RBM23: variants seen among roughly 807,000 people sequenced by gnomAD.
RBM23 encodes the protein RNA binding motif protein 23.
In RBM23, 53 loss-of-function variants were observed where a neutral mutation model predicts 56.2. The ratio of observed to expected loss-of-function variants is 0.94; its 90% CI spans 0.76 to 1.19. RBM23 has a LOEUF of 1.19. RBM23 is among the 50% of genes most tolerant of loss of function. RBM23 has a pLI of 0.00. For missense variants in RBM23, 642 were observed against 590.3 expected (o/e 1.09, Z -0.91); for synonymous variants, 197 against 198.5 (o/e 0.99, Z 0.06).
chr14:22,904,726 A>T, intron 9 of RBM23, 149 bp downstream of exon 9: 1 of 1,170,706 alleles, frequency 8.5e-7, no homozygotes. Context: ...ACAGAGATGG[A>T]GCCAAACTTT....
Position 22,905,545 on chromosome 14 carries a change from G to A in RBM23, c.455+61C>T, listed in dbSNP as rs151248093. Reference sequence around the variant, plus strand: ...AAGTATTACACATTCCTGTAATTTGGCTCAAATAACCTTTTATTCATACCT... The same window carrying A: ...AAGTATTACACATTCCTGTAATTTGACTCAAATAACCTTTTATTCATACCT... On this transcript the variant is annotated intron_variant, in intron 6 of 13. Coordinates refer to ENST00000359890, the MANE Select transcript of RBM23 (RefSeq NM_001077351.2). 227 of 1,593,836 alleles carry A rather than the reference G, an allele frequency of 1.4e-4. No individual in the cohort carries two copies. The African/African-American group carries it at 2.6e-3, about 18-fold the overall frequency.
intron 1 of RBM23, among the ~76,000 whole-genome samples, chr14:22,916,614 T>C (rs1163261135): frequency 4.0e-5 from 6 of 151,510 alleles, no homozygotes; most frequent in Non-Finnish European, 7.4e-5. Flanking sequence ...TAACATTATA[T>C]CTATTATATC....
chr14:22,900,609 TTTTC>T lies in RBM23; in HGVS notation c.*1117_*1120del, dbSNP rs1197022711. 2.0e-5 allele frequency: 3 copies of T among 152,026 alleles called. No homozygotes were observed. Among genetic ancestry groups the T allele is most frequent in the African/African-American group, 7.3e-5 (3 of 41,350 alleles). The allele number at this position is 152,026 out of a possible 1,614,324, so 9.4% of individuals were successfully genotyped here. On this transcript the variant is annotated 3_prime_UTR_variant, in exon 14 of 14. Transcript: ENST00000359890. ...ACCCCACCCAGGTGTGAGTTTTCAT[TTTTC>T]TTTCTAAAGGTGGTTAAATAAATAA...
intron 10 of RBM23, chr14:22,903,939 C>T (rs1447251399): frequency 7.8e-7 from 1 of 1,276,716 alleles, no homozygotes; most frequent in African/African-American, 1.5e-5. Flanking sequence ...TTTAAAAGCC[C>T]ATACCTAACC....
intron 3 of RBM23, 36 bp from the exon 4 acceptor site, chr14:22,908,416 T>A: frequency 3.3e-6 from 5 of 1,526,578 alleles, no homozygotes; most frequent in African/African-American, 1.4e-5. Context: ...TTTTTTTTTT[T>A]AATTTTGAGA....
chr14:22,911,595 C>A lies in RBM23; in HGVS notation c.-10-192G>T, dbSNP rs1234574911. ...TATTTTTACACCCTATAGATCTGAA[C>A]TAGTTCGACTTTGTGGCTTGGAACA... is the stretch of plus-strand genomic sequence containing the variant. On this transcript the variant is annotated intron_variant, in intron 1 of 13. Transcript: ENST00000359890. 1.1e-5 allele frequency: 5 copies of A among 438,362 alleles called. No individual in the cohort carries two copies. The East Asian group carries it at 2.0e-4, about 18-fold the overall frequency. The allele number at this position is 438,362 out of a possible 1,614,324, so 27.2% of individuals were successfully genotyped here. A position where few individuals can be genotyped will look rare whatever the true frequency, so the allele number is the denominator to read the frequency against.
chr14:22,903,224 C>A, intron 10 of RBM23: 1 of 985,478 alleles, frequency 1.0e-6, no homozygotes, highest in Non-Finnish European at 1.2e-6. Flanking sequence ...GACCAGAAGG[C>A]CTTTACTCTC....
chr14:22,909,595 C>G lies in RBM23; in HGVS notation c.67G>C (p.Asp23His). ...TTAACTTCTTTCCTTTGTTGCTCAT[C>G]CTGAGGCATTCACCAGGAAAATGTC... ...MLEAPYKKEE[D>H]EQQRKEVKKD... is the part of the protein sequence containing the mutation. Residue 23 changes from aspartate (D) to histidine (H), a missense_variant and splice_region_variant, in exon 3 of 14, where the codon GAT (aspartate) becomes CAT (histidine). Physicochemically the swap from Asp to His is moderately conservative, Grantham distance 81. Transcript: ENST00000359890. 1 of 1,611,918 alleles carries G rather than the reference C, an allele frequency of 6.2e-7. No individual in the cohort carries two copies. Among genetic ancestry groups the G allele is most frequent in the Non-Finnish European group, 8.5e-7 (1 of 1,178,578 alleles).
rs200959206 is a variant in RBM23 at position 22,901,920 on chromosome 14, C to T, written c.1247-37G>A. On this transcript the variant is annotated intron_variant, in intron 12 of 13. Coordinates refer to ENST00000359890, the MANE Select transcript of RBM23 (RefSeq NM_001077351.2). ...ACAGGCAGAGTGAGTGAGCAAGCAC[C>T]GCGCACTCCTTCTTTCCAGACCCCC... 1.3e-5 allele frequency: 21 copies of T among 1,613,628 alleles called. No homozygotes were observed. In the African/African-American group the frequency reaches 1.5e-4, roughly 11 times the overall value.
chr14:22,909,346 C>T (rs1402593048), intron 3 of RBM23, 137 bp downstream of exon 3: 2 of 718,244 alleles, frequency 2.8e-6, no homozygotes, highest in Admixed American at 2.1e-5. Context: ...CACCATTATT[C>T]TCATGACCTA....
In RBM23 at chr14:22,901,560, T is replaced by C; in HGVS notation, c.*170A>G. ...GCAGAGTCCATTTCCAGTGGGACCATGGGCAGGAGCTTTTCTTGGTATCTT... is the reference window on the plus strand; with the variant it reads ...GCAGAGTCCATTTCCAGTGGGACCACGGGCAGGAGCTTTTCTTGGTATCTT... On this transcript the variant is annotated 3_prime_UTR_variant, in exon 14 of 14. Transcript: ENST00000359890. 2 of 957,174 alleles carry C rather than the reference T, an allele frequency of 2.1e-6. No individual in the cohort carries two copies. Among genetic ancestry groups the C allele is most frequent in the Non-Finnish European group, 3.2e-6 (2 of 633,952 alleles). The allele number at this position is 957,174 out of a possible 1,614,324, so 59.3% of individuals were successfully genotyped here.
At chr14:22,905,863 C>A in intron 5 of RBM23, 1 of 604,454 alleles carries the variant, frequency 1.7e-6, no homozygotes, top group Non-Finnish European at 2.9e-6. Flanking sequence ...ATCCTCCCAC[C>A]TCAGCCTCCT....
intron 1 of RBM23, among the ~76,000 whole-genome samples, chr14:22,918,541 A>C (rs1184379614): frequency 6.6e-6 from 1 of 152,214 alleles, no homozygotes; most frequent in Non-Finnish European, 1.5e-5. Flanking sequence ...AAAGCCCATA[A>C]AGGTCAACAT....
chr14:22,918,478 T>C (rs1434147517), intron 1 of RBM23, among the ~76,000 whole-genome samples: 1 of 152,100 alleles, frequency 6.6e-6, no homozygotes, highest in Admixed American at 6.6e-5. Context: ...AATCTTCATA[T>C]GTGGCATCAT....
chr14:22,912,963 G>GCACTC (rs1354038263), intron 1 of RBM23, among the ~76,000 whole-genome samples: 2 of 112,470 alleles, frequency 1.8e-5, no homozygotes, highest in Non-Finnish European at 3.3e-5. Flanking sequence ...TTGTGCCACT[G>GCACTC]CACTCCAACC....
chr14:22,914,710 G>A (rs151010519), intron 1 of RBM23, among the ~76,000 whole-genome samples: 129 of 152,054 alleles, frequency 8.5e-4, no homozygotes, highest in African/African-American at 2.8e-3. Context: ...TTGGCCAGCC[G>A]TGGTGGCTCA....
chr14:22,909,454 G>T, intron 3 of RBM23, 29 bp downstream of exon 3: 1 of 1,575,042 alleles, frequency 6.3e-7, no homozygotes, highest in Non-Finnish European at 8.7e-7. Context: ...TCCCCAAGTT[G>T]CCAACCCATT....
At chr14:22,915,790 G>A (rs745420576) in intron 1 of RBM23, among the ~76,000 whole-genome samples, 2 of 152,204 alleles carry the variant, frequency 1.3e-5, no homozygotes, top group East Asian at 1.9e-4. Flanking sequence ...CACTGTGCCC[G>A]GCCTTCTACT....
chr14:22,903,658 T>A (rs2041009454), intron 10 of RBM23: 2 of 1,001,450 alleles, frequency 2.0e-6, no homozygotes, highest in Non-Finnish European at 2.4e-6. Flanking sequence ...CAAGCTTCTA[T>A]CAGACTTTGT....
Sources: gnomAD v4.1 joint callset for allele counts (sites outside exome capture counted in the v4.1 genomes callset) on GRCh38, gnomAD v4.1.1 for gene constraint, MANE v1.5 for transcripts, NCBI Gene and HGNC (gene_info 2026-07-23, HGNC 2026-07-21) for gene names.